Variants in MCM5 observed in about 807,000 individuals in gnomAD.
MCM5 encodes minichromosome maintenance complex component 5, also known as DNA replication licensing factor MCM5.
MCM5 carries 46 observed loss-of-function variants against 79.9 expected under a neutral mutation model. The ratio of observed to expected loss-of-function variants is 0.58; its 90% CI spans 0.45 to 0.74. The LOEUF is 0.74. Ranked by LOEUF, MCM5 falls within the 30% of genes least tolerant of loss-of-function variation. MCM5 has a pLI of 0.00. For missense variants in MCM5, 883 were observed against 1,017.0 expected (o/e 0.87, Z 1.79); for synonymous variants, 404 against 390.5 (o/e 1.03, Z -0.41).
intron 4 of MCM5, among the ~76,000 whole-genome samples, chr22:35,406,302 C>CCCCCG (rs1932212179): frequency 7.0e-6 from 1 of 142,878 alleles, no homozygotes; most frequent in South Asian, 2.3e-4. Context: ...TGCCACCTCC[C>CCCCCG]CCCCCAATTG....
chr22:35,449,241 G>A, the MCM5 span, among the ~76,000 whole-genome samples: 1 of 152,146 alleles, frequency 6.6e-6, no homozygotes, highest in African/African-American at 2.4e-5. Flanking sequence ...TGAAGGAGGA[G>A]GAGAGCCAGC....
intron 5 of MCM5, among the ~76,000 whole-genome samples, 194 bp from the exon 6 acceptor site, chr22:35,408,214 G>T (rs1222617556): frequency 2.6e-5 from 4 of 152,190 alleles, no homozygotes; most frequent in Admixed American, 2.6e-4. Flanking sequence ...TCTTAATCCA[G>T]TGCTAGGTCC....
chr22:35,410,794 T>C lies in MCM5; in HGVS notation c.803T>C (p.Ile268Thr). The stretch of plus-strand genomic sequence containing the variant: ...GGGAACAGGGTTACCATCATGGGCA[T>C]CTACTCCATCAAGAAGTTTGGCCTG... The part of the protein sequence containing the change: ...VPGNRVTIMG[I>T]YSIKKFGLTT... Residue 268 changes from isoleucine to threonine, a missense_variant, in exon 7 of 17, where the codon ATC becomes ACC. Ile to Thr is a moderately conservative substitution (Grantham distance 89). Transcript: ENST00000216122. 1 of 1,614,128 alleles carries C rather than the reference T, an allele frequency of 6.2e-7. No individual in the cohort carries two copies. The highest frequency in any genetic ancestry group is 1.1e-5 in the South Asian group (1 of 91,074).
chr22:35,413,638 CCCT>C (rs1932453073), intron 8 of MCM5, among the ~76,000 whole-genome samples: 1 of 152,208 alleles, frequency 6.6e-6, no homozygotes, highest in Admixed American at 6.5e-5. Context: ...TTTCCTTTAA[CCCT>C]CCTCTTCTGG....
chr22:35,421,119 CTT>C (rs4645813), intron 14 of MCM5, among the ~76,000 whole-genome samples, 197 bp from the exon 15 acceptor site: 76 of 108,454 alleles, frequency 7.0e-4, no homozygotes, highest in African/African-American at 2.7e-3. Context: ...CAGAGCGAGA[CTT>C]TGTCTCAAAA....
chr22:35,453,767 A>G, the MCM5 span, among the ~76,000 whole-genome samples: 1 of 149,922 alleles, frequency 6.7e-6, no homozygotes, highest in South Asian at 2.2e-4. Context: ...ACAGAGAGGG[A>G]CAAATATAGG....
chr22:35,425,460 G>C (rs1601766118), downstream of MCM5: 1 of 152,300 alleles, frequency 6.6e-6, no homozygotes, highest in African/African-American at 2.4e-5. Context: ...AATCACAAAT[G>C]TATTTTTGTG....
At chr22:35,423,162 A>G (rs960509378) in intron 15 of MCM5, 52 bp from the exon 16 acceptor site, 5 of 1,509,548 alleles carry the variant, frequency 3.3e-6, no homozygotes, top group East Asian at 2.4e-5. Flanking sequence ...TCTCTGTCCA[A>G]GAACTCCCAT....
Position 35,401,911 on chromosome 22 carries a change from T to G in MCM5, c.168-1296T>G, listed in dbSNP as rs755057050. 11 of 358,052 alleles carry G rather than the reference T, an allele frequency of 3.1e-5. No homozygotes were observed. In the Admixed American group the frequency reaches 3.7e-4, roughly 12 times the overall value. 22.2% of individuals were successfully genotyped at this position (358,052 alleles called of 1,614,324 possible). On this transcript the variant is annotated intron_variant, in intron 2 of 16. Coordinates refer to ENST00000216122, the MANE Select transcript of MCM5 (RefSeq NM_006739.4). ...AGGTGTAGAAAGCTTTCTGTCTAGG[T>G]AGGAGCAATTGCTTGTGTAGAGGTG...
rs769948197 is a variant in MCM5, at chr22:35,408,517, G to GT, written c.707dup (p.His238ProfsTer18). On this transcript the variant is annotated frameshift_variant, in exon 6 of 17. Transcript: ENST00000216122. LOFTEE classifies it high-confidence loss of function. ...GAAGCTGCAGGAGCTGCCTGATGCA[G>GT]TCCCCCACGGGGAGATGCCCAGACA... 6.2e-7 allele frequency: 1 copy of GT among 1,614,172 alleles called. No homozygotes were observed. The highest frequency in any genetic ancestry group is 1.1e-5 in the South Asian group (1 of 91,086).
intron 9 of MCM5, among the ~76,000 whole-genome samples, chr22:35,415,033 A>G (rs185740149): frequency 2.0e-5 from 3 of 152,238 alleles, no homozygotes; most frequent in Admixed American, 1.3e-4. Context: ...CATGCGACCC[A>G]TGTATGTCTT....
At chr22:35,423,572 C>T (rs546534421) in intron 16 of MCM5, 1 of 388,094 alleles carries the variant, frequency 2.6e-6, no homozygotes, top group East Asian at 4.3e-5. Context: ...GAGGGGAGAG[C>T]AGAGGTGGTT....
chr22:35,416,416 T>C lies in MCM5; in HGVS notation c.1413+12T>C. 1 of 1,611,464 alleles carries C rather than the reference T, an allele frequency of 6.2e-7. No homozygotes were observed. ...TCTCTATCGCCAAGGTGAGTGGCCC[T>C]CCATGGAGAGCCCAGCCTGCAGCAG... On this transcript the variant is annotated intron_variant, in intron 11 of 16. Coordinates refer to ENST00000216122, the MANE Select transcript of MCM5 (RefSeq NM_006739.4).
intron 2 of MCM5, 107 bp downstream of exon 2, chr22:35,400,712 G>A: frequency 2.3e-6 from 3 of 1,283,304 alleles, no homozygotes; most frequent in Non-Finnish European, 3.1e-6. Flanking sequence ...GGCCCAGACG[G>A]GGGAAAGAGC....
chr22:35,403,324 C>T lies in MCM5; in HGVS notation c.285C>T (p.His95=), dbSNP rs1932115922. The change falls in exon 3 of 17, where the codon CAC becomes CAT. Residue 95 remains histidine (H), a synonymous_variant. Transcript: ENST00000216122. ...ACTTGTACAAGCAGCCAGCCGAGCA[C>T]CTGCAGCTGGTGAGTGGGACCCCAT... ...ADYLYKQPAE[H]LQLLEEAAKE... The T allele has an allele frequency of 6.2e-7, 1 of 1,614,064 alleles. No individual in the cohort carries two copies. The highest frequency in any genetic ancestry group is 1.7e-5 in the Admixed American group (1 of 59,998).
chr22:35,445,211 G>T, the MCM5 span, among the ~76,000 whole-genome samples: 1 of 152,070 alleles, frequency 6.6e-6, no homozygotes, highest in Non-Finnish European at 1.5e-5. Context: ...CTCACAGGTG[G>T]ACACACCTGA....
the MCM5 span, among the ~76,000 whole-genome samples, chr22:35,442,350 TA>T: frequency 6.8e-6 from 1 of 147,046 alleles, no homozygotes; most frequent in South Asian, 2.1e-4. Context: ...GTGTGGCTAC[TA>T]AAAAAGAAAA....
chr22:35,435,763 G>C, the MCM5 span, among the ~76,000 whole-genome samples: 1 of 152,212 alleles, frequency 6.6e-6, no homozygotes, highest in Non-Finnish European at 1.5e-5. Flanking sequence ...GGAGGCCTGG[G>C]TTCTAGTCCT....
intron 6 of MCM5, 101 bp downstream of exon 6, chr22:35,408,664 T>G: frequency 2.1e-5 from 28 of 1,355,478 alleles, no homozygotes; most frequent in Non-Finnish European, 2.6e-5. Flanking sequence ...GCAGGGTGAG[T>G]AGGGTGGAGA....
Sources: allele counts gnomAD v4.1 joint callset (sites outside exome capture counted in the v4.1 genomes callset), GRCh38; gene constraint gnomAD v4.1.1; transcripts MANE v1.5; gene names NCBI Gene and HGNC (gene_info 2026-07-23, HGNC 2026-07-21).